Variants in SPEF2 observed in about 807,000 individuals in gnomAD.
The protein encoded by SPEF2 is sperm flagellar and cilia associated 2.
In SPEF2, 187 loss-of-function variants were observed where a neutral mutation model predicts 224.6. The ratio of observed to expected loss-of-function variants is 0.83; its 90% CI spans 0.74 to 0.94. SPEF2 has a LOEUF of 0.94. Ranked by LOEUF, SPEF2 falls within the 40% of genes least tolerant of loss-of-function variation. The probability of loss-of-function intolerance (pLI) is 0.00; values close to 1 mark genes in which losing one functional copy is unlikely to be tolerated. For synonymous variants in SPEF2, 715 were observed against 707.3 expected (o/e 1.01, Z -0.17); for missense variants, 2,170 against 2,135.6 (o/e 1.02, Z -0.32).
rs575701193 is a variant in SPEF2 at position 35,700,767 on chromosome 5, T to A, written c.2398+15T>A. The A allele has an allele frequency of 4.4e-6, 7 of 1,607,234 alleles. No individual in the cohort carries two copies. The highest frequency in any genetic ancestry group is 6.0e-6 in the Non-Finnish European group (7 of 1,175,498). On this transcript the variant is annotated intron_variant, in intron 16 of 36. Coordinates refer to ENST00000356031, the MANE Select transcript of SPEF2 (RefSeq NM_024867.4). ...TGATATTATAGGTAAGCTGGACACCTTTTTTGACACTCTTTTTACAATGAA... is the reference window on the plus strand; with the variant it reads ...TGATATTATAGGTAAGCTGGACACCATTTTTGACACTCTTTTTACAATGAA...
intron 12 of SPEF2, among the ~76,000 whole-genome samples, chr5:35,693,990 C>G (rs921582884): frequency 1.3e-5 from 2 of 152,102 alleles, no homozygotes. Flanking sequence ...TCCTCAGGTT[C>G]CACTATCTTT....
Position 35,670,241 on chromosome 5 carries a change from TG to T in SPEF2, c.1524+15del. ...GAAGAATATAAGGTACCTACTGATA[TG>T]AAATAATTAGAATGCTACATAATAA... On this transcript the variant is annotated intron_variant, in intron 10 of 36. Transcript: ENST00000356031. 6.3e-7 allele frequency: 1 copy of T among 1,578,738 alleles called. No individual in the cohort carries two copies. Among genetic ancestry groups the T allele is most frequent in the Admixed American group, 1.9e-5 (1 of 51,822 alleles).
In SPEF2 at chr5:35,776,257, A is replaced by G. The variant is rs541406341; in HGVS notation, c.4079A>G (p.Glu1360Gly). Reference protein sequence around the residue: ...EEHLAALQFEEIATQFRLELI... With the variant: ...EEHLAALQFEGIATQFRLELI... The stretch of plus-strand genomic sequence containing the variant: ...CATTCTTATTTCTCTTTGCAAATAG[A>G]AATAGCCACGCAATTTCGACTTGAA... Residue 1360 changes from glutamate (E) to glycine (G), a missense_variant and splice_region_variant, in exon 29 of 37, where the codon GAA becomes GGA. By Grantham distance (98) the Glu-to-Gly change is moderately conservative. Coordinates refer to ENST00000356031, the MANE Select transcript of SPEF2 (RefSeq NM_024867.4). The G allele has an allele frequency of 1.9e-6, 3 of 1,603,382 alleles. No homozygotes were observed. The East Asian group carries it at 6.7e-5, about 36-fold the overall frequency.
In SPEF2 at chr5:35,795,810, C is replaced by G; in HGVS notation, c.4830+15C>G. ...ATCTTATAGAGGTAATGACTGAGATCTTTAAAACATGTGGCATTATAGCAC... is the reference window on the plus strand; with the variant it reads ...ATCTTATAGAGGTAATGACTGAGATGTTTAAAACATGTGGCATTATAGCAC... On this transcript the variant is annotated intron_variant, in intron 33 of 36. Coordinates refer to ENST00000356031, the MANE Select transcript of SPEF2 (RefSeq NM_024867.4). The G allele has an allele frequency of 6.3e-7, 1 of 1,583,916 alleles. No homozygotes were observed. The highest frequency in any genetic ancestry group is 1.4e-5 in the African/African-American group (1 of 73,970).
chr5:35,631,413 G>A (rs1240813021), intron 2 of SPEF2, among the ~76,000 whole-genome samples: 2 of 152,126 alleles, frequency 1.3e-5, no homozygotes, highest in Admixed American at 1.3e-4. Context: ...AAGATCACAA[G>A]ACACCACTTC....
chr5:35,644,459 G>A lies in SPEF2; in HGVS notation c.519G>A (p.Leu173=). 6.2e-7 allele frequency: 1 copy of A among 1,610,882 alleles called. No individual in the cohort carries two copies. The highest frequency in any genetic ancestry group is 8.5e-7 in the Non-Finnish European group (1 of 1,178,856). ...ACGTGAAAGAAGATCTTGCCCATTT[G>A]CATTTTGAGAAACTTGAAAGATTTC... The part of the protein sequence containing the change: ...YKHVKEDLAH[L]HFEKLERFQK... The change falls in exon 4 of 37, where the codon TTG becomes TTA. Residue 173 remains leucine (L), a synonymous_variant. Transcript: ENST00000356031.
At chr5:35,743,483 C>T (rs184055659) in intron 23 of SPEF2, among the ~76,000 whole-genome samples, 1 of 152,106 alleles carries the variant, frequency 6.6e-6, no homozygotes, top group Non-Finnish European at 1.5e-5. Flanking sequence ...CCAAATCCAC[C>T]TTATCAAAGA....
chr5:35,696,012 T>C (rs1421285657), intron 14 of SPEF2, among the ~76,000 whole-genome samples: 1 of 152,218 alleles, frequency 6.6e-6, no homozygotes, highest in African/African-American at 2.4e-5. Flanking sequence ...TCTTCACTTT[T>C]GCCAGGGTGA....
At chr5:35,777,650 C>G (rs1029785816) in intron 29 of SPEF2, among the ~76,000 whole-genome samples, 1 of 143,770 alleles carries the variant, frequency 7.0e-6, no homozygotes, top group African/African-American at 2.6e-5. Context: ...AAGTTAAAAC[C>G]TAGAAATGTG....
intron 34 of SPEF2, among the ~76,000 whole-genome samples, chr5:35,804,732 A>T (rs1437945259): frequency 6.6e-6 from 1 of 152,210 alleles, no homozygotes; most frequent in Non-Finnish European, 1.5e-5. Context: ...AAAATCATTT[A>T]TTCCATTATG....
chr5:35,634,865 A>G (rs1430522238), intron 2 of SPEF2, among the ~76,000 whole-genome samples: 1 of 152,058 alleles, frequency 6.6e-6, no homozygotes, highest in Non-Finnish European at 1.5e-5. Flanking sequence ...TAAAATCTAT[A>G]TGCCATTTAG....
Position 35,641,916 on chromosome 5 carries a change from G to A in SPEF2, c.414+233G>A, listed in dbSNP as rs1180124487. Among the ~76,000 whole-genome samples the A allele has an allele frequency of 6.6e-5, 10 of 151,966 alleles. 1 individual carries two copies. The South Asian group carries it at 2.1e-3, about 32-fold the overall frequency. ...AATAGCTTATCAAACTCTTTTCCTA[G>A]TTTCCAGTACTTTTTGTTGTTGTTG... On this transcript the variant is annotated intron_variant, in intron 3 of 36. Coordinates refer to ENST00000356031, the MANE Select transcript of SPEF2 (RefSeq NM_024867.4).
At chr5:35,715,391 A>C (rs575740876) in intron 20 of SPEF2, among the ~76,000 whole-genome samples, 1 of 152,222 alleles carries the variant, frequency 6.6e-6, no homozygotes, top group South Asian at 2.1e-4. Context: ...TAAAAAAAAA[A>C]GTCCTCCACA....
At chr5:35,704,049 T>A (rs909214963) in intron 16 of SPEF2, among the ~76,000 whole-genome samples, 1 of 152,208 alleles carries the variant, frequency 6.6e-6, no homozygotes, top group African/African-American at 2.4e-5. Flanking sequence ...AGATTGGTTT[T>A]TTTGTTTGTT....
At chr5:35,626,863 C>T (rs762218404) in intron 1 of SPEF2, among the ~76,000 whole-genome samples, 28 of 152,146 alleles carry the variant, frequency 1.8e-4, no homozygotes, top group Non-Finnish European at 3.5e-4. Flanking sequence ...GGAGTGAGGA[C>T]TGCACAGTGG....
intron 16 of SPEF2, chr5:35,702,289 G>T (rs1255369331): frequency 2.2e-6 from 1 of 456,062 alleles, no homozygotes; most frequent in Non-Finnish European, 4.4e-6. Context: ...AAGCCACGTG[G>T]GCTACAAAGT....
rs140213821 is a variant in SPEF2, at chr5:35,755,856, C to T, written c.3468+2095C>T. Among the ~76,000 whole-genome samples the T allele has an allele frequency of 8.8e-3, 1,344 of 152,170 alleles. 27 individuals carry two copies. The highest frequency in any genetic ancestry group is 0.031 in the African/African-American group (1,288 of 41,512). ...AGCTCCTGACCTCAGGTGATCCATC[C>T]GCCTCGGCCTCCCAAAGTGCTGGGA... On this transcript the variant is annotated intron_variant, in intron 24 of 36. Coordinates refer to ENST00000356031, the MANE Select transcript of SPEF2 (RefSeq NM_024867.4).
chr5:35,644,214 G>A (rs1409112069), intron 3 of SPEF2, 141 bp from the exon 4 acceptor site: 1 of 641,900 alleles, frequency 1.6e-6, no homozygotes, highest in East Asian at 3.0e-5. Flanking sequence ...TGAGTAATTG[G>A]AATGGGGTTT....
At chr5:35,794,535 T>C (rs1024379856) in intron 32 of SPEF2, among the ~76,000 whole-genome samples, 1 of 152,172 alleles carries the variant, frequency 6.6e-6, no homozygotes, top group Non-Finnish European at 1.5e-5. Context: ...ATTTTCCAAG[T>C]AGATTTACAA....
Sources: allele counts gnomAD v4.1 joint callset (sites outside exome capture counted in the v4.1 genomes callset), GRCh38; gene constraint gnomAD v4.1.1; transcripts MANE v1.5; gene names NCBI Gene and HGNC (gene_info 2026-07-23, HGNC 2026-07-21).